The following SPTBN5 variants were observed in gnomAD, a reference collection of about 807,000 sequenced individuals.
The protein encoded by SPTBN5 is spectrin beta chain, non-erythrocytic 5.
A neutral mutation model predicts 477.6 loss-of-function variants in SPTBN5; 513 were observed. That is an observed-to-expected ratio of 1.07 (90% CI 1.00 to 1.16). The LOEUF (loss-of-function observed/expected upper bound fraction) is 1.16, where lower values mean the gene tolerates loss of function less well. Among genes scored for constraint, SPTBN5 ranks in the 50% most tolerant of loss-of-function variants. The pLI is 0.00. For synonymous variants in SPTBN5, 2,169 were observed against 2,011.7 expected, an observed-to-expected ratio of 1.08 and a Z score of -2.09; for missense variants, 5,062 against 4,731.8, an observed-to-expected ratio of 1.07 and a Z score of -2.05.
At chr15:41,857,814 G>T in intron 49 of SPTBN5, 104 bp from the exon 50 acceptor site, 1 of 1,373,136 alleles carries the variant, frequency 7.3e-7, no homozygotes, top group Non-Finnish European at 9.7e-7. Flanking sequence ...AGTCCCTGCG[G>T]TCCAGCTGCA....
rs760376285 is a variant in SPTBN5, at chr15:41,848,148, AG to A, written c.*467del. ...TACATCACAGACTCATACAAATGTG[AG>A]GCGCTGAGACCATCTGTTATTACTG... On this transcript the variant is annotated 3_prime_UTR_variant, in exon 68 of 68. Transcript: ENST00000320955. 1.2e-4 allele frequency: 69 copies of A among 552,852 alleles called. No individual in the cohort carries two copies. Among genetic ancestry groups the A allele is most frequent in the Non-Finnish European group, 1.9e-4 (60 of 308,682 alleles). The allele number at this position is 552,852 out of a possible 1,614,324, so 34.2% of individuals were successfully genotyped here. A position where few individuals can be genotyped will look rare whatever the true frequency, so the allele number is the denominator to read the frequency against.
At position 41,852,811 on chromosome 15, in the gene SPTBN5, G is replaced by A. The variant is rs1427374236; in HGVS notation, c.10347+13C>T. On this transcript the variant is annotated intron_variant, in intron 60 of 67. Transcript: ENST00000320955. The stretch of plus-strand genomic sequence containing the variant: ...AGCCTGGTAGCCAGCTAAGGGGCAG[G>A]ACCCCCACTCACCCCATAGTCGGGC... 1.2e-5 allele frequency: 20 copies of A among 1,610,754 alleles called. No individual in the cohort carries two copies. Among genetic ancestry groups the A allele is most frequent in the Non-Finnish European group, 1.7e-5 (20 of 1,178,392 alleles).
In SPTBN5 at chr15:41,882,134, G is replaced by A. The variant is rs1238136376; in HGVS notation, c.2259C>T (p.Asp753=). The A allele has an allele frequency of 1.9e-6, 3 of 1,571,848 alleles. No homozygotes were observed. The Admixed American group carries it at 5.2e-5, about 27-fold the overall frequency. Residue 753 remains aspartate (D), a synonymous_variant, in exon 12 of 68, where the codon GAC becomes GAT. Transcript: ENST00000320955. ...GCAGCCACGAAGCCGCCTCCGCCGC[G>A]TCCGCGAAGTACTGTGGGAGGGGGT... The part of the protein sequence containing the change: ...TALLVLQYFA[D]AAEAASWLRE...
intron 13 of SPTBN5, 51 bp downstream of exon 13, chr15:41,880,983 G>A: frequency 6.7e-7 from 1 of 1,492,352 alleles, no homozygotes; most frequent in South Asian, 1.2e-5. Flanking sequence ...CTGCACAGGA[G>A]CTGCTGGCAC....
At chr15:41,862,352 C>T in intron 43 of SPTBN5, 60 bp from the exon 44 acceptor site, 1 of 1,541,862 alleles carries the variant, frequency 6.5e-7, no homozygotes, top group South Asian at 1.2e-5. Context: ...CCCATGCCCA[C>T]TGGTGTCTTC....
chr15:41,893,044 C>A lies in SPTBN5; in HGVS notation c.234G>T (p.Arg78=), dbSNP rs2067361748. 6.2e-7 allele frequency: 1 copy of A among 1,611,420 alleles called. No individual in the cohort carries two copies. Among genetic ancestry groups the A allele is most frequent in the South Asian group, 1.1e-5 (1 of 91,030 alleles). The part of the protein sequence containing the change: ...FQCGQAGIKI[R]NLYTELADGI... ...CGTCAGCCAGCTCTGTGTACAGGTT[C>A]CGGATCTTGATGCCCGCCTGGGGAG... The change falls in exon 3 of 68, where the codon CGG becomes CGT. Residue 78 remains arginine, a synonymous_variant. Transcript: ENST00000320955.
chr15:41,864,064 T>G (rs370620546), intron 39 of SPTBN5, 40 bp from the exon 40 acceptor site: 1 of 1,529,892 alleles, frequency 6.5e-7, no homozygotes, highest in Non-Finnish European at 9.0e-7. Context: ...GCACCCCCCA[T>G]GCAGAGCCCC....
Position 41,862,848 on chromosome 15 carries a change from A to C in SPTBN5, c.7205T>G (p.Leu2402Arg). 2 of 1,591,958 alleles carry C rather than the reference A, an allele frequency of 1.3e-6. No individual in the cohort carries two copies. The highest frequency in any genetic ancestry group is 1.7e-6 in the Non-Finnish European group (2 of 1,170,076). Residue 2402 changes from leucine to arginine, a missense_variant, in exon 42 of 68, where the codon CTG becomes CGG. Leu to Arg is a moderately radical substitution (Grantham distance 102, BLOSUM62 -2). Transcript: ENST00000320955. ...CGKDLESVQR[L>R]LRKHEELERE... is the part of the protein sequence containing the mutation. ...CTCCAGCTCCTCGTGTTTCCGCAGCAGCCTCTGCACGCTCTCCAGATCTTT... is the reference window on the plus strand; with the variant it reads ...CTCCAGCTCCTCGTGTTTCCGCAGCCGCCTCTGCACGCTCTCCAGATCTTT...
chr15:41,856,755 A>AGTTTTGCCCCAACAT, intron 52 of SPTBN5, 98 bp downstream of exon 52: 6 of 1,382,726 alleles, frequency 4.3e-6, no homozygotes, highest in Non-Finnish European at 5.8e-6. Flanking sequence ...AAGCCCCCAC[A>AGTTTTGCCCCAACAT]GGCAGAGAGT....
At chr15:41,890,638 C>G (rs1334258120) in intron 3 of SPTBN5, among the ~76,000 whole-genome samples, 1 of 152,264 alleles carries the variant, frequency 6.6e-6, no homozygotes, top group Non-Finnish European at 1.5e-5. Context: ...GGTCCCTGGG[C>G]TCACACCCAA....
intron 19 of SPTBN5, 58 bp downstream of exon 19, chr15:41,876,751 G>C: frequency 6.2e-7 from 1 of 1,600,044 alleles, no homozygotes; most frequent in Non-Finnish European, 8.5e-7. Flanking sequence ...TAGGGCGGCC[G>C]TCTGTGCAGG....
At chr15:41,888,825 G>A (rs2067229471) in intron 4 of SPTBN5, among the ~76,000 whole-genome samples, 1 of 152,220 alleles carries the variant, frequency 6.6e-6, no homozygotes, top group African/African-American at 2.4e-5. Context: ...TGCCCTCTGG[G>A]CCCCAGAGCT....
At chr15:41,887,796 G>C in intron 5 of SPTBN5, 132 bp downstream of exon 5, 1 of 941,832 alleles carries the variant, frequency 1.1e-6, no homozygotes, top group African/African-American at 1.7e-5. Context: ...TAACCCATCA[G>C]CCCTTTCTAC....
intron 30 of SPTBN5, 35 bp downstream of exon 30, chr15:41,870,411 G>C (rs768757449): frequency 3.1e-6 from 5 of 1,610,888 alleles, no homozygotes; most frequent in Admixed American, 1.7e-5. Flanking sequence ...TGAGCCTGGA[G>C]TGTATCCACT....
intron 66 of SPTBN5, 126 bp from the exon 67 acceptor site, chr15:41,850,085 C>CCTT (rs2065701221): frequency 1.3e-6 from 1 of 796,060 alleles, no homozygotes; most frequent in Admixed American, 2.2e-5. Flanking sequence ...TATGCCAGGC[C>CCTT]CTTCCCACGT....
chr15:41,881,894 G>T, intron 12 of SPTBN5, 42 bp downstream of exon 12: 1 of 1,494,138 alleles, frequency 6.7e-7, no homozygotes, highest in Non-Finnish European at 8.9e-7. Context: ...AGCCGCGGTG[G>T]AGCAAGGGAG....
In SPTBN5 at chr15:41,849,881, C is replaced by T; in HGVS notation, c.11000G>A (p.Gly3667Glu). 6.3e-7 allele frequency: 1 copy of T among 1,579,506 alleles called. No individual in the cohort carries two copies. The highest frequency in any genetic ancestry group is 8.6e-7 in the Non-Finnish European group (1 of 1,162,546). Residue 3667 changes from glycine to glutamate, a missense_variant, in exon 67 of 68, where the codon GGA becomes GAA. Coordinates refer to ENST00000320955, the MANE Select transcript of SPTBN5 (RefSeq NM_016642.4). ...NECTTKDARP[G>E]CLLRSDP ...CCAGGTGTCCCACCTGAGTAGACAT[C>T]CAGGCCGGGCATCCTTGGTCGTGCA...
chr15:41,889,341 C>G (rs953878232), intron 4 of SPTBN5, among the ~76,000 whole-genome samples: 8 of 152,198 alleles, frequency 5.3e-5, no homozygotes, highest in African/African-American at 1.9e-4. Flanking sequence ...TCCAGGTTGG[C>G]TTTCCTTACC....
In SPTBN5 at chr15:41,863,969, T is replaced by C. The variant is rs1209576829; in HGVS notation, c.6974A>G (p.Lys2325Arg). 2.5e-6 allele frequency: 4 copies of C among 1,613,902 alleles called. No individual in the cohort carries two copies. Among genetic ancestry groups the C allele is most frequent in the Admixed American group, 3.3e-5 (2 of 60,030 alleles). Residue 2325 changes from lysine (K) to arginine (R), a missense_variant, in exon 40 of 68, where the codon AAG becomes AGG. Coordinates refer to ENST00000320955, the MANE Select transcript of SPTBN5 (RefSeq NM_016642.4). ...RSISDLSLQL[K>R]NRDPEEVKII... The stretch of plus-strand genomic sequence containing the variant: ...CTTGACTTCCTCAGGGTCCCGGTTC[T>C]TGAGCTGCAGTGACAAGTCACTGAT...
Sources: gnomAD v4.1 joint callset for allele counts (sites outside exome capture counted in the v4.1 genomes callset) on GRCh38, gnomAD v4.1.1 for gene constraint, MANE v1.5 for transcripts, NCBI Gene and HGNC (gene_info 2026-07-23, HGNC 2026-07-21) for gene names.